ITGB5: variants seen among roughly 807,000 people sequenced by gnomAD.
The protein encoded by ITGB5 is integrin subunit beta 5.
ITGB5 carries 38 observed loss-of-function variants against 84.8 expected under a neutral mutation model. That is an observed-to-expected ratio of 0.45 (90% CI 0.35 to 0.59). ITGB5 has a LOEUF of 0.59. Ranked by LOEUF, ITGB5 falls within the 20% of genes least tolerant of loss-of-function variation. The probability of loss-of-function intolerance (pLI) is 0.01; values close to 1 mark genes in which losing one functional copy is unlikely to be tolerated. For missense variants in ITGB5, 905 were observed against 1,034.5 expected (o/e 0.87, Z 1.72); for synonymous variants, 393 against 414.4 (o/e 0.95, Z 0.63).
intron 3 of ITGB5, among the ~76,000 whole-genome samples, chr3:124,856,523 T>G (rs1203117983): frequency 6.6e-6 from 1 of 152,222 alleles, no homozygotes; most frequent in African/African-American, 2.4e-5. Flanking sequence ...ATTTTTTTCC[T>G]AATTTTCAAA....
intron 10 of ITGB5, among the ~76,000 whole-genome samples, chr3:124,775,233 AGTGT>A (rs1288852778): frequency 2.1e-5 from 3 of 145,886 alleles, no homozygotes; most frequent in Non-Finnish European, 4.4e-5. Flanking sequence ...AGTGTGTATG[AGTGT>A]GTGAGTGCAA....
chr3:124,806,684 G>A (rs958184458), intron 9 of ITGB5, among the ~76,000 whole-genome samples: 8 of 151,710 alleles, frequency 5.3e-5, no homozygotes, highest in South Asian at 2.1e-4. Context: ...TGATCCACCC[G>A]CCTAGGCCTT....
At chr3:124,803,384 T>C (rs543668301) in intron 9 of ITGB5, among the ~76,000 whole-genome samples, 11 of 152,270 alleles carry the variant, frequency 7.2e-5, no homozygotes, top group African/African-American at 2.4e-4. Context: ...CAGTTTTTCA[T>C]ACATAAAATG....
chr3:124,767,710 G>A (rs1356080810), intron 12 of ITGB5, among the ~76,000 whole-genome samples: 1 of 152,174 alleles, frequency 6.6e-6, no homozygotes, highest in East Asian at 1.9e-4. Flanking sequence ...AGTCTCCTAA[G>A]GAGATAGACA....
chr3:124,808,011 A>T (rs1017573871), intron 9 of ITGB5, among the ~76,000 whole-genome samples: 2 of 129,468 alleles, frequency 1.5e-5, no homozygotes, highest in African/African-American at 5.6e-5. Flanking sequence ...GAAGTGGGTG[A>T]GGGACAAGTG....
chr3:124,856,814 T>C (rs2065227828), intron 3 of ITGB5, among the ~76,000 whole-genome samples: 1 of 152,210 alleles, frequency 6.6e-6, no homozygotes, highest in Non-Finnish European at 1.5e-5. Flanking sequence ...TGTCTTCACA[T>C]AAGAGATTTC....
chr3:124,839,248 T>C (rs1313154304), intron 5 of ITGB5, among the ~76,000 whole-genome samples: 1 of 152,224 alleles, frequency 6.6e-6, no homozygotes, highest in Non-Finnish European at 1.5e-5. Flanking sequence ...GCTCACAAAG[T>C]GCCTCTCCGT....
At chr3:124,816,001 A>G (rs1050991158) in intron 8 of ITGB5, among the ~76,000 whole-genome samples, 25 of 152,168 alleles carry the variant, frequency 1.6e-4, no homozygotes, top group Admixed American at 1.2e-3. Context: ...GTATGTGGGC[A>G]ATGGGGTAGG....
chr3:124,766,364 G>A lies in ITGB5; in HGVS notation c.2018-19C>T. ...TCTTTCACTGGAAGAAAACCAAGCG[G>A]GAATGGCCTGAGTCTCTCTGAGCAG... On this transcript the variant is annotated intron_variant, in intron 12 of 14. Coordinates refer to ENST00000296181, the MANE Select transcript of ITGB5 (RefSeq NM_002213.5). The A allele has an allele frequency of 6.2e-7, 1 of 1,613,300 alleles. No individual in the cohort carries two copies. The highest frequency in any genetic ancestry group is 8.5e-7 in the Non-Finnish European group (1 of 1,179,594).
chr3:124,879,867 T>C (rs967439368), intron 1 of ITGB5, among the ~76,000 whole-genome samples: 7 of 152,216 alleles, frequency 4.6e-5, no homozygotes, highest in African/African-American at 1.7e-4. Context: ...AGGAACTATA[T>C]AGGCACAATT....
At position 124,763,647 on chromosome 3, in the gene ITGB5, TTTGTTGAAC is replaced by T. The variant is rs150512726; in HGVS notation, c.2367_2375del (p.Phe790_Lys792del). The stretch of plus-strand genomic sequence containing the variant: ...ATCAGTCCACAGTGCCATTGTAGGA[TTTGTTGAAC>T]TTGTTGAAGGTGAAGTCCACAGTGT... On this transcript the variant is annotated inframe_deletion, in exon 15 of 15. Coordinates refer to ENST00000296181, the MANE Select transcript of ITGB5 (RefSeq NM_002213.5). 186,868 of 1,598,804 alleles carry T rather than the reference TTTGTTGAAC, an allele frequency of 0.12. 12,306 individuals carry two copies. Among genetic ancestry groups the T allele is most frequent in the South Asian group, 0.18 (16,455 of 90,566 alleles).
At chr3:124,872,413 T>C (rs1009397573) in intron 2 of ITGB5, among the ~76,000 whole-genome samples, 3 of 152,144 alleles carry the variant, frequency 2.0e-5, no homozygotes, top group Admixed American at 6.5e-5. Context: ...ATCAGAGATA[T>C]TGTATGATGT....
At chr3:124,851,308 A>T (rs145536737) in intron 3 of ITGB5, among the ~76,000 whole-genome samples, 1 of 152,272 alleles carries the variant, frequency 6.6e-6, no homozygotes, top group African/African-American at 2.4e-5. Context: ...TAGGGATTAA[A>T]AGAGATAAAC....
rs61760578 is a variant in ITGB5, at chr3:124,819,634, T to C, written c.1038+105A>G. 2.4e-3 allele frequency: 1,937 copies of C among 822,258 alleles called. 21 individuals are homozygous for C. In the African/African-American group the frequency reaches 0.029, roughly 12 times the overall value. The allele number at this position is 822,258 out of a possible 1,614,324, so 50.9% of individuals were successfully genotyped here. Reference sequence around the variant, plus strand: ...TTTCCATTAGATCAAGACTGGGCTATATTCCACCCCTCCTTTGAATTTCCC... The same window carrying C: ...TTTCCATTAGATCAAGACTGGGCTACATTCCACCCCTCCTTTGAATTTCCC... On this transcript the variant is annotated intron_variant, in intron 7 of 14. Coordinates refer to ENST00000296181, the MANE Select transcript of ITGB5 (RefSeq NM_002213.5).
chr3:124,801,002 T>C (rs538543341), intron 9 of ITGB5, among the ~76,000 whole-genome samples: 1 of 152,340 alleles, frequency 6.6e-6, no homozygotes, highest in African/African-American at 2.4e-5. Flanking sequence ...TGATGCACCC[T>C]TTCAAAAGGG....
chr3:124,764,990 G>A (rs926667371), intron 13 of ITGB5, among the ~76,000 whole-genome samples: 2 of 152,212 alleles, frequency 1.3e-5, no homozygotes, highest in Admixed American at 6.5e-5. Context: ...CTTTAGCGTG[G>A]TGTCCCTTGG....
intron 6 of ITGB5, 44 bp from the exon 7 acceptor site, chr3:124,819,878 T>TGCTG: frequency 7.2e-7 from 1 of 1,389,892 alleles, no homozygotes; most frequent in Non-Finnish European, 1.0e-6. Flanking sequence ...TCCTAACAGG[T>TGCTG]GTAGATACCA....
At chr3:124,864,042 A>AG (rs776924382) in intron 2 of ITGB5, among the ~76,000 whole-genome samples, 12,226 of 140,862 alleles carry the variant, frequency 0.087, 723 homozygotes, top group Non-Finnish European at 0.13. Flanking sequence ...GAAAGAAAAG[A>AG]AAAAAGAAAA....
chr3:124,802,033 T>G (rs936054812), intron 9 of ITGB5, among the ~76,000 whole-genome samples: 1 of 152,226 alleles, frequency 6.6e-6, no homozygotes, highest in African/African-American at 2.4e-5. Flanking sequence ...GAGCCTCAGC[T>G]CCAACAGCTC....
Sources: allele counts gnomAD v4.1 joint callset (sites outside exome capture counted in the v4.1 genomes callset), GRCh38; gene constraint gnomAD v4.1.1; transcripts MANE v1.5; gene names NCBI Gene and HGNC (gene_info 2026-07-23, HGNC 2026-07-21).